ATXN3: variants seen among roughly 807,000 people sequenced by gnomAD.
The protein encoded by ATXN3 is ataxin 3.
Under a neutral mutation model 58.2 loss-of-function variants are expected in ATXN3, and 28 were observed. The observed-to-expected ratio is 0.48, with a 90% CI of 0.36 to 0.66. The LOEUF is 0.66. ATXN3 is among the 30% of genes least tolerant of loss of function. The pLI, the probability that ATXN3 is intolerant of heterozygous loss-of-function variation, is 0.00. For synonymous variants in ATXN3, 113 were observed against 138.5 expected, an observed-to-expected ratio of 0.82 and a Z score of 1.29; for missense variants, 321 against 422.1, an observed-to-expected ratio of 0.76 and a Z score of 2.10.
intron 9 of ATXN3, among the ~76,000 whole-genome samples, chr14:92,077,400 G>A (rs902283220): frequency 6.6e-6 from 1 of 151,638 alleles, no homozygotes; most frequent in Admixed American, 6.6e-5. Context: ...AGACTGGAGT[G>A]CAGTGGTGTG....
downstream of ATXN3, among the ~76,000 whole-genome samples, chr14:92,056,460 T>C (rs1027846123): frequency 6.6e-6 from 1 of 152,214 alleles, no homozygotes; most frequent in African/African-American, 2.4e-5. Flanking sequence ...TTTGGACGTA[T>C]GCTACAACAT....
rs144799309 is a variant in ATXN3 at position 92,059,107 on chromosome 14, G to A, written c.*5213C>T. The A allele has an allele frequency of 2.4e-3, 365 of 152,098 alleles. 3 individuals are homozygous for A. The highest frequency in any genetic ancestry group is 8.4e-3 in the African/African-American group (347 of 41,502). The allele number at this position is 152,098 out of a possible 1,614,324, so 9.4% of individuals were successfully genotyped here. On this transcript the variant is annotated 3_prime_UTR_variant, in exon 11 of 11. Coordinates refer to ENST00000644486, the MANE Select transcript of ATXN3 (RefSeq NM_004993.6). ...ACAGGCTTAAAATGTTTTTTGATAT[G>A]CTATTAAACATGCCAATTACGACAA... is the stretch of plus-strand genomic sequence containing the variant.
Position 92,082,384 on chromosome 14 carries a change from T to G in ATXN3, c.691A>C (p.Arg231=). ...MLDEDEEDLQ[R]ALALSRQEID... is the part of the protein sequence containing the mutation. ...TCTTGGCGACTTAGTGCCAGAGCCCTCTGCAAATCCTCCTCATCTTCGTCT... is the reference window on the plus strand; with the variant it reads ...TCTTGGCGACTTAGTGCCAGAGCCCGCTGCAAATCCTCCTCATCTTCGTCT... The change falls in exon 8 of 11, where the codon AGG becomes CGG. Residue 231 remains arginine (R), a synonymous_variant. Transcript: ENST00000644486. 1 of 1,614,188 alleles carries G rather than the reference T, an allele frequency of 6.2e-7. No homozygotes were observed. Among genetic ancestry groups the G allele is most frequent in the East Asian group, 2.2e-5 (1 of 44,882 alleles).
At chr14:92,047,306 A>G (rs2057432260) in intron 2 of ATXN3, among the ~76,000 whole-genome samples, 1 of 152,268 alleles carries the variant, frequency 6.6e-6, no homozygotes, top group South Asian at 2.1e-4. Flanking sequence ...TAAGATCCAG[A>G]TCCTGAGGTA....
chr14:92,075,989 A>G lies in ATXN3; in HGVS notation c.873-4936T>C, dbSNP rs535407026. Among the ~76,000 whole-genome samples the G allele has an allele frequency of 7.9e-5, 12 of 152,266 alleles. No individual in the cohort carries two copies. The South Asian group carries it at 2.5e-3, about 32-fold the overall frequency. ...CACTGCACACTTTCCTCCTCAATCAATCCTCCACCAAGTAGGAAGGAGGTA... is the reference window on the plus strand; with the variant it reads ...CACTGCACACTTTCCTCCTCAATCAGTCCTCCACCAAGTAGGAAGGAGGTA... On this transcript the variant is annotated intron_variant, in intron 9 of 10. Transcript: ENST00000644486.
chr14:92,065,066 T>C (rs2058138358), intron 10 of ATXN3, among the ~76,000 whole-genome samples: 2 of 152,232 alleles, frequency 1.3e-5, no homozygotes, highest in Admixed American at 6.5e-5. Context: ...AGAAGTGTTA[T>C]AATACCACAA....
downstream of ATXN3, among the ~76,000 whole-genome samples, chr14:92,055,305 C>A (rs1166622246): frequency 6.6e-6 from 1 of 152,046 alleles, no homozygotes; most frequent in African/African-American, 2.4e-5. The surrounding 1 kb of genome is among the most constrained non-coding windows in gnomAD (Gnocchi z 4.5). Flanking sequence ...TGGAAGGGAG[C>A]AAATATAGTG....
In ATXN3 at chr14:92,060,486, T is replaced by C. The variant is rs1037343760; in HGVS notation, c.*3834A>G. 1.3e-5 allele frequency: 2 copies of C among 149,892 alleles called. No homozygotes were observed. Among genetic ancestry groups the C allele is most frequent in the African/African-American group, 4.9e-5 (2 of 40,648 alleles). 9.3% of individuals were successfully genotyped at this position (149,892 alleles called of 1,614,324 possible). On this transcript the variant is annotated 3_prime_UTR_variant, in exon 11 of 11. Transcript: ENST00000644486. Reference sequence around the variant, plus strand: ...GTTGCCCAGACTGGTCTTGAACTCCTGGCCTGAAGTGATTCGCCCACCTCA... The same window carrying C: ...GTTGCCCAGACTGGTCTTGAACTCCCGGCCTGAAGTGATTCGCCCACCTCA...
intron 9 of ATXN3, among the ~76,000 whole-genome samples, chr14:92,080,285 G>C (rs969997906): frequency 1.3e-5 from 2 of 152,050 alleles, no homozygotes; most frequent in Admixed American, 1.3e-4. Flanking sequence ...TTGGGAATGC[G>C]CTCCCATACC....
chr14:92,054,552 C>T (rs1232528578), downstream of ATXN3, among the ~76,000 whole-genome samples: 1 of 152,156 alleles, frequency 6.6e-6, no homozygotes, highest in Admixed American at 6.5e-5. Context: ...AATAATCCAC[C>T]CCTTGTTTAG....
chr14:92,098,060 A>G (rs913862800), intron 1 of ATXN3, among the ~76,000 whole-genome samples: 12 of 152,196 alleles, frequency 7.9e-5, no homozygotes, highest in African/African-American at 2.9e-4. Flanking sequence ...CCTCATTTTC[A>G]GTACCTAAAA....
At chr14:92,072,728 T>G (rs1250875255) in intron 9 of ATXN3, among the ~76,000 whole-genome samples, 3 of 146,652 alleles carry the variant, frequency 2.0e-5, no homozygotes, top group African/African-American at 7.6e-5. Flanking sequence ...AGATTGCTTC[T>G]CGGTCTTTTG....
At chr14:92,074,005 T>C (rs1595628046) in intron 9 of ATXN3, among the ~76,000 whole-genome samples, 9 of 92,078 alleles carry the variant, frequency 9.8e-5, no homozygotes, top group Admixed American at 1.5e-4. Flanking sequence ...AGAGTGAGAC[T>C]CCACCTCAAA....
chr14:92,097,854 A>G (rs1341924837), intron 1 of ATXN3, among the ~76,000 whole-genome samples: 1 of 152,124 alleles, frequency 6.6e-6, no homozygotes, highest in Non-Finnish European at 1.5e-5. Context: ...GTTGAACTGA[A>G]CTTTCAGCTT....
chr14:92,070,763 T>TTG, intron 10 of ATXN3, 172 bp downstream of exon 10: 1 of 1,345,714 alleles, frequency 7.4e-7, no homozygotes, highest in South Asian at 1.7e-5. Context: ...TTTTTTTTCT[T>TTG]TTGGTAACTG....
intron 1 of ATXN3, among the ~76,000 whole-genome samples, chr14:92,103,025 T>C (rs1475761859): frequency 4.3e-4 from 65 of 151,838 alleles, no homozygotes; most frequent in Non-Finnish European, 2.9e-5. Flanking sequence ...CCAGCAAGTT[T>C]AGATATTATT....
At chr14:92,078,122 C>T (rs1040623066) in intron 9 of ATXN3, among the ~76,000 whole-genome samples, 1 of 150,060 alleles carries the variant, frequency 6.7e-6, no homozygotes, top group Middle Eastern at 3.3e-3. Flanking sequence ...TTACAGGTGC[C>T]CATCATCATG....
intron 3 of ATXN3, 113 bp from the exon 4 acceptor site, chr14:92,093,944 G>GTTT (rs10606586): frequency 5.5e-4 from 237 of 429,226 alleles, no homozygotes; most frequent in South Asian, 7.1e-4. Context: ...AAGGCTATAG[G>GTTT]TTTTTTTTTT....
At chr14:92,092,625 A>T (rs1312616844) in intron 5 of ATXN3, among the ~76,000 whole-genome samples, 1 of 152,116 alleles carries the variant, frequency 6.6e-6, no homozygotes, top group African/African-American at 2.4e-5. Flanking sequence ...TCACATAAAA[A>T]CCCACTTAAA....
Sources: allele counts gnomAD v4.1 joint callset (sites outside exome capture counted in the v4.1 genomes callset), GRCh38; gene constraint gnomAD v4.1.1; non-coding constraint Gnocchi (gnomAD v3.1); transcripts MANE v1.5; gene names NCBI Gene and HGNC (gene_info 2026-07-23, HGNC 2026-07-21).